Variants in ITFG1 observed in about 807,000 individuals in gnomAD.
ITFG1 encodes the protein T-cell immunomodulatory protein.
In ITFG1, 34 loss-of-function variants were observed where a neutral mutation model predicts 81.8. The ratio of observed to expected loss-of-function variants is 0.42; its 90% CI spans 0.32 to 0.55. The LOEUF is 0.55. ITFG1 is among the 20% of genes least tolerant of loss of function. ITFG1 has a pLI of 0.17. For synonymous variants in ITFG1, 285 were observed against 270.6 expected, an observed-to-expected ratio of 1.05 and a Z score of -0.52; for missense variants, 672 against 755.4, an observed-to-expected ratio of 0.89 and a Z score of 1.29.
chr16:47,461,168 C>G (rs1385049138), upstream of ITFG1: 14 of 1,058,762 alleles, frequency 1.3e-5, no homozygotes, highest in East Asian at 1.6e-4. Flanking sequence ...CTGCCGGCTC[C>G]TTTTTCTCTC....
intron 6 of ITFG1, among the ~76,000 whole-genome samples, chr16:47,400,074 C>T (rs1968641361): frequency 6.6e-6 from 1 of 152,166 alleles, no homozygotes; most frequent in African/African-American, 2.4e-5. Context: ...CCCATTTCTA[C>T]AGATGAGGCT....
chr16:47,214,944 AC>A (rs1199923452), intron 14 of ITFG1, among the ~76,000 whole-genome samples: 1 of 151,986 alleles, frequency 6.6e-6, no homozygotes, highest in Non-Finnish European at 1.5e-5. Context: ...ACACACACAC[AC>A]ACACACACAC....
chr16:47,182,154 C>T (rs897747445), intron 14 of ITFG1, among the ~76,000 whole-genome samples: 3 of 148,914 alleles, frequency 2.0e-5, no homozygotes, highest in African/African-American at 5.0e-5. Context: ...TCCCCCTCTG[C>T]GAGAAACATC....
At chr16:47,230,811 C>T (rs1242712563) in intron 13 of ITFG1, among the ~76,000 whole-genome samples, 1 of 152,190 alleles carries the variant, frequency 6.6e-6, no homozygotes. Flanking sequence ...TGCAGTGGCG[C>T]GATCTCGGCT....
intron 6 of ITFG1, among the ~76,000 whole-genome samples, chr16:47,382,472 C>T (rs1438700635): frequency 6.6e-6 from 1 of 152,162 alleles, no homozygotes; most frequent in Non-Finnish European, 1.5e-5. Context: ...AATGAAGATT[C>T]ACCATACTTA....
intron 14 of ITFG1, among the ~76,000 whole-genome samples, chr16:47,165,534 A>C (rs889907431): frequency 6.6e-6 from 1 of 152,266 alleles, no homozygotes; most frequent in Non-Finnish European, 1.5e-5. Context: ...TATTAAGATA[A>C]AATTTATTCT....
chr16:47,259,599 T>C (rs1415828460), intron 11 of ITFG1, among the ~76,000 whole-genome samples: 1 of 152,088 alleles, frequency 6.6e-6, no homozygotes, highest in Non-Finnish European at 1.5e-5. Context: ...CAAAATAAAA[T>C]CAAAAATGGG....
At chr16:47,285,023 T>C (rs1391039317) in intron 10 of ITFG1, among the ~76,000 whole-genome samples, 5 of 152,212 alleles carry the variant, frequency 3.3e-5, no homozygotes, top group Non-Finnish European at 7.3e-5. Context: ...GGTGGTATTA[T>C]ACATATTAGT....
intron 14 of ITFG1, among the ~76,000 whole-genome samples, chr16:47,206,197 A>T (rs1327613873): frequency 1.3e-5 from 2 of 152,100 alleles, no homozygotes; most frequent in South Asian, 2.1e-4. Context: ...AATAGTTAAT[A>T]TTTACTATCT....
chr16:47,218,651 C>T, intron 14 of ITFG1: 1 of 294,668 alleles, frequency 3.4e-6, no homozygotes, highest in Non-Finnish European at 6.2e-6. Flanking sequence ...TGAGTTGGCT[C>T]CATCATAATA....
At chr16:47,307,523 ATGAAGT>A (rs373388023) in intron 10 of ITFG1, among the ~76,000 whole-genome samples, 1 of 152,168 alleles carries the variant, frequency 6.6e-6, no homozygotes, top group African/African-American at 2.4e-5. Context: ...ATTCCAACTA[ATGAAGT>A]TGGAGTTGGT....
chr16:47,242,371 A>G (rs1965945164), intron 12 of ITFG1, among the ~76,000 whole-genome samples: 1 of 151,988 alleles, frequency 6.6e-6, no homozygotes, highest in African/African-American at 2.4e-5. Flanking sequence ...CAACTGCACC[A>G]GTTAGGAAAA....
chr16:47,443,742 C>A (rs114185114), intron 5 of ITFG1, among the ~76,000 whole-genome samples: 1,934 of 152,166 alleles, frequency 0.013, 34 homozygotes, highest in South Asian at 0.054. Flanking sequence ...ATACCGGGGA[C>A]TGCTTTGGGG....
intron 11 of ITFG1, among the ~76,000 whole-genome samples, chr16:47,259,259 T>C (rs1349584640): frequency 6.6e-6 from 1 of 152,246 alleles, no homozygotes; most frequent in Non-Finnish European, 1.5e-5. Context: ...TGTAGTAAAC[T>C]ATGTTCTAGT....
chr16:47,387,432 C>T (rs527675982), intron 6 of ITFG1, among the ~76,000 whole-genome samples: 1 of 152,284 alleles, frequency 6.6e-6, no homozygotes, highest in East Asian at 1.9e-4. Context: ...GCTTTTAAAT[C>T]TTACCCCTCC....
chr16:47,217,979 T>TA (rs1231881556), intron 14 of ITFG1: 1 of 152,186 alleles, frequency 6.6e-6, no homozygotes, highest in Non-Finnish European at 1.5e-5. Flanking sequence ...CTTGAATTTT[T>TA]AAAAAAATTT....
At chr16:47,335,821 G>A (rs974715607) in intron 8 of ITFG1, among the ~76,000 whole-genome samples, 2 of 152,152 alleles carry the variant, frequency 1.3e-5, no homozygotes, top group Admixed American at 6.5e-5. Context: ...AAAATGTTAA[G>A]CATACACTTA....
rs1969488770 is a variant in ITFG1, at chr16:47,459,141, A to C, written c.243T>G (p.Asn81Lys). Residue 81 changes from asparagine (N) to lysine (K), a missense_variant, in exon 2 of 18, where the codon AAT becomes AAG. This residue lies in a region of ITFG1 where 560 missense variants were observed against 625.7 expected (regional missense o/e 0.90). Coordinates refer to ENST00000320640, the MANE Select transcript of ITFG1 (RefSeq NM_030790.5). ...TTACTTTGGGTTTAAAATAGGGTGC[A>C]TTCTGGTCTGCCAAAAAGACGATTA... The part of the protein sequence containing the change: ...NDLIVFLADQ[N>K]APYFKPKVKV... The C allele has an allele frequency of 6.2e-7, 1 of 1,602,074 alleles. No individual in the cohort carries two copies. The highest frequency in any genetic ancestry group is 1.3e-5 in the African/African-American group (1 of 74,688).
intron 10 of ITFG1, among the ~76,000 whole-genome samples, chr16:47,265,245 TTA>T (rs982024783): frequency 6.6e-6 from 1 of 151,910 alleles, no homozygotes; most frequent in Non-Finnish European, 1.5e-5. Context: ...ATGTAGTCAT[TTA>T]TGTCTATATT....
Sources: gnomAD v4.1 joint callset for allele counts (sites outside exome capture counted in the v4.1 genomes callset) on GRCh38, gnomAD v4.1.1 for gene constraint, gnomAD v4.1.1 regional missense constraint, MANE v1.5 for transcripts, NCBI Gene and HGNC (gene_info 2026-07-23, HGNC 2026-07-21) for gene names.